Variants in GABRA2 observed in about 807,000 individuals in gnomAD.
GABRA2 encodes gamma-aminobutyric acid type A receptor subunit alpha2.
In GABRA2, 16 loss-of-function variants were observed where a neutral mutation model predicts 48.7. The ratio of observed to expected loss-of-function variants is 0.33; its 90% CI spans 0.22 to 0.50. The LOEUF (loss-of-function observed/expected upper bound fraction) is 0.50, where lower values mean the gene tolerates loss of function less well. Ranked by LOEUF, GABRA2 falls within the 20% of genes least tolerant of loss-of-function variation. GABRA2 has a pLI of 0.98. For synonymous variants in GABRA2, 185 were observed against 184.5 expected (o/e 1.00, Z -0.02); for missense variants, 275 against 535.6 (o/e 0.51, Z 4.80).
intron 3 of GABRA2, among the ~76,000 whole-genome samples, chr4:46,335,524 A>G (rs1358148470): frequency 2.0e-5 from 3 of 152,056 alleles, no homozygotes; most frequent in African/African-American, 7.2e-5. Context: ...CCCAGGCTGG[A>G]GTGCAGTGGT....
At chr4:46,367,167 T>C (rs1714164564) in intron 3 of GABRA2, 1 of 152,116 alleles carries the variant, frequency 6.6e-6, no homozygotes. Flanking sequence ...ATCAACATTG[T>C]TTCTGAGAAG....
intron 8 of GABRA2, among the ~76,000 whole-genome samples, chr4:46,282,795 A>G (rs1188438862): frequency 1.3e-5 from 2 of 152,232 alleles, no homozygotes; most frequent in African/African-American, 4.8e-5. Context: ...AAATACTTGC[A>G]TAGCGTTTAC....
chr4:46,325,143 T>C (rs1450731817), intron 4 of GABRA2, among the ~76,000 whole-genome samples: 1 of 152,006 alleles, frequency 6.6e-6, no homozygotes, highest in Non-Finnish European at 1.5e-5. Flanking sequence ...AGTTCTGTTT[T>C]AAGTTCTTTC....
intron 9 of GABRA2, among the ~76,000 whole-genome samples, chr4:46,252,295 C>G (rs1714931153): frequency 1.3e-5 from 2 of 151,434 alleles, no homozygotes; most frequent in South Asian, 4.1e-4. Flanking sequence ...AATATCTCTT[C>G]TTCAGTAATG....
At chr4:46,333,176 TC>T (rs1731660470) in intron 3 of GABRA2, among the ~76,000 whole-genome samples, 2 of 152,002 alleles carry the variant, frequency 1.3e-5, no homozygotes, top group Admixed American at 6.6e-5. Flanking sequence ...TAAACATAAT[TC>T]CAATTAATAT....
rs1369092517 is a variant in GABRA2 at position 46,278,123 on chromosome 4, G to A, written c.857-15995C>T. ...CTGAAGATTAAGAGCCCAGGATAAA[G>A]AAATTTTAATTCAAGAAAAACATAC... On this transcript the variant is annotated intron_variant, in intron 8 of 9. Coordinates refer to ENST00000381620, the MANE Select transcript of GABRA2 (RefSeq NM_000807.4). Among the ~76,000 whole-genome samples the A allele has an allele frequency of 2.6e-5, 4 of 152,038 alleles. No individual in the cohort carries two copies. The East Asian group carries it at 5.8e-4, about 22-fold the overall frequency.
intron 8 of GABRA2, among the ~76,000 whole-genome samples, chr4:46,265,925 T>C (rs1298013865): frequency 6.6e-6 from 1 of 152,090 alleles, no homozygotes; most frequent in African/African-American, 2.4e-5. Flanking sequence ...TTCTTTGATT[T>C]CATGGTTATT....
Position 46,299,607 on chromosome 4 carries a change from G to A in GABRA2, c.856+3853C>T, listed in dbSNP as rs1283321867. Among the ~76,000 whole-genome samples the A allele has an allele frequency of 2.7e-5, 4 of 150,800 alleles. No homozygotes were observed. In the South Asian group the frequency reaches 8.3e-4, roughly 31 times the overall value. On this transcript the variant is annotated intron_variant, in intron 8 of 9. Transcript: ENST00000381620. ...TGTTAAACAGCCAGACAAAAATTTGGAAAGAGGAAAGTACCAACAAAGTCT... is the reference window on the plus strand; with the variant it reads ...TGTTAAACAGCCAGACAAAAATTTGAAAAGAGGAAAGTACCAACAAAGTCT...
At chr4:46,298,130 G>A (rs1199669879) in intron 8 of GABRA2, among the ~76,000 whole-genome samples, 3 of 152,016 alleles carry the variant, frequency 2.0e-5, no homozygotes, top group Non-Finnish European at 2.9e-5. Flanking sequence ...AAAATTTATT[G>A]AGAATTCCTT....
In GABRA2 at chr4:46,357,738, G is replaced by A. The variant is rs1004025535; in HGVS notation, c.188-25056C>T. ...TGCAGTGGTGCAATCTCAGCTCACT[G>A]CAACCTCTGTCTCCCAGGTTCACAT... On this transcript the variant is annotated intron_variant, in intron 3 of 9. Coordinates refer to ENST00000381620, the MANE Select transcript of GABRA2 (RefSeq NM_000807.4). 3.2e-4 allele frequency among the ~76,000 whole-genome samples: 46 copies of A among 142,946 alleles called. 1 individual carries two copies. The highest frequency in any genetic ancestry group is 4.8e-4 in the Non-Finnish European group (32 of 66,728). 93.8% of individuals were successfully genotyped at this position (142,946 alleles called of 152,430 possible). A position where few individuals can be genotyped will look rare whatever the true frequency, so the allele number is the denominator to read the frequency against.
intron 4 of GABRA2, among the ~76,000 whole-genome samples, chr4:46,314,873 T>G (rs1220831148): frequency 2.6e-5 from 4 of 152,140 alleles, no homozygotes; most frequent in African/African-American, 4.8e-5. Context: ...CGAATTTTCT[T>G]TATCCAATCT....
intron 3 of GABRA2, among the ~76,000 whole-genome samples, chr4:46,381,929 T>A (rs1716807329): frequency 6.6e-6 from 1 of 152,138 alleles, no homozygotes; most frequent in Admixed American, 6.5e-5. Flanking sequence ...ACTCTATAGT[T>A]GATCATTTTC....
At chr4:46,305,846 A>G (rs1726598741) in intron 6 of GABRA2, 135 bp from the exon 7 acceptor site, 1 of 613,876 alleles carries the variant, frequency 1.6e-6, no homozygotes, top group Non-Finnish European at 2.7e-6. Context: ...TTTAGGGCAA[A>G]AATGTCTCAT....
intron 3 of GABRA2, among the ~76,000 whole-genome samples, chr4:46,355,076 C>G (rs1445361448): frequency 1.3e-5 from 2 of 151,990 alleles, no homozygotes; most frequent in African/African-American, 4.8e-5. Flanking sequence ...TAGTCTACTC[C>G]CTTCCGAGGC....
intron 6 of GABRA2, among the ~76,000 whole-genome samples, chr4:46,309,747 A>G (rs1428627588): frequency 1.3e-5 from 2 of 152,168 alleles, no homozygotes; most frequent in Non-Finnish European, 2.9e-5. Context: ...ACAGTAGAAG[A>G]CAATGACACA....
At chr4:46,297,704 T>C (rs866805479) in intron 8 of GABRA2, among the ~76,000 whole-genome samples, 24 of 151,736 alleles carry the variant, frequency 1.6e-4, no homozygotes, top group African/African-American at 5.8e-4. Flanking sequence ...GAACCAACCT[T>C]TGGTCTTGTT....
At chr4:46,352,477 T>C (rs548769732) in intron 3 of GABRA2, among the ~76,000 whole-genome samples, 1 of 152,152 alleles carries the variant, frequency 6.6e-6, no homozygotes, top group South Asian at 2.1e-4. Context: ...AGTGTGAACG[T>C]TTTTATGTAT....
At chr4:46,287,788 A>T (rs922576045) in intron 8 of GABRA2, among the ~76,000 whole-genome samples, 12 of 152,118 alleles carry the variant, frequency 7.9e-5, no homozygotes, top group Non-Finnish European at 1.5e-4. Flanking sequence ...ATAATAATAA[A>T]AAAAAAGAAG....
chr4:46,263,178 A>G (rs1717405158), intron 8 of GABRA2, among the ~76,000 whole-genome samples: 1 of 152,028 alleles, frequency 6.6e-6, no homozygotes. Context: ...GGTAATACAA[A>G]AAAAGTTGCT....
Sources: gnomAD v4.1 joint callset for allele counts (sites outside exome capture counted in the v4.1 genomes callset) on GRCh38, gnomAD v4.1.1 for gene constraint, MANE v1.5 for transcripts, NCBI Gene and HGNC (gene_info 2026-07-23, HGNC 2026-07-21) for gene names.